Variants in ELL2 observed in about 807,000 individuals in gnomAD.
ELL2 encodes the protein RNA polymerase II elongation factor ELL2.
ELL2 carries 21 observed loss-of-function variants against 72.8 expected under a neutral mutation model. The ratio of observed to expected loss-of-function variants is 0.29; its 90% CI spans 0.20 to 0.42. The LOEUF is 0.42. Ranked by LOEUF, ELL2 falls within the 10% of genes least tolerant of loss-of-function variation. The pLI, the probability that ELL2 is intolerant of heterozygous loss-of-function variation, is 1.00. For synonymous variants in ELL2, 266 were observed against 283.2 expected (o/e 0.94, Z 0.61); for missense variants, 568 against 772.8 (o/e 0.73, Z 3.14).
At chr5:95,891,004 T>G in intron 10 of ELL2, 99 bp downstream of exon 10, 1 of 1,425,330 alleles carries the variant, frequency 7.0e-7, no homozygotes, top group Non-Finnish European at 9.9e-7. Flanking sequence ...GCAAGAGTAC[T>G]TACTCTAAAG....
intron 3 of ELL2, among the ~76,000 whole-genome samples, chr5:95,916,678 A>G (rs1749816034): frequency 6.6e-6 from 1 of 152,094 alleles, no homozygotes; most frequent in South Asian, 2.1e-4. Context: ...AAGTGAATGT[A>G]AGAGAGGTTG....
chr5:95,914,021 C>T (rs1749697831), intron 3 of ELL2, 87 bp from the exon 4 acceptor site: 12 of 1,268,992 alleles, frequency 9.5e-6, no homozygotes, highest in Non-Finnish European at 1.2e-5. Context: ...CTAAAATCAG[C>T]AGCCCAACTA....
intron 2 of ELL2, among the ~76,000 whole-genome samples, chr5:95,931,948 T>C (rs1290552171): frequency 6.7e-6 from 1 of 149,008 alleles, no homozygotes; most frequent in African/African-American, 2.5e-5. Context: ...TCTTCATAAA[T>C]ACAAACAGTA....
intron 7 of ELL2, 109 bp from the exon 8 acceptor site, chr5:95,898,919 T>G: frequency 1.3e-6 from 1 of 796,708 alleles, no homozygotes; most frequent in Non-Finnish European, 1.8e-6. Flanking sequence ...CTATTAATAT[T>G]ACCAGGGTTG....
At chr5:95,915,750 A>C (rs878905018) in intron 3 of ELL2, among the ~76,000 whole-genome samples, 1 of 152,234 alleles carries the variant, frequency 6.6e-6, no homozygotes, top group Admixed American at 6.5e-5. Context: ...GAAAGTGTTC[A>C]GGGAGGACAA....
At chr5:95,917,185 T>TC (rs1444990482) in intron 3 of ELL2, among the ~76,000 whole-genome samples, 2 of 152,238 alleles carry the variant, frequency 1.3e-5, no homozygotes, top group Non-Finnish European at 2.9e-5. Context: ...TATATATTTT[T>TC]CACTAAGTCT....
At chr5:95,896,616 C>A (rs982336319) in intron 8 of ELL2, among the ~76,000 whole-genome samples, 1 of 152,116 alleles carries the variant, frequency 6.6e-6, no homozygotes, top group African/African-American at 2.4e-5. Context: ...CATGCTTTTA[C>A]GATAGTCTGA....
intron 1 of ELL2, among the ~76,000 whole-genome samples, chr5:95,951,317 C>A (rs993876081): frequency 3.3e-5 from 5 of 151,678 alleles, no homozygotes; most frequent in African/African-American, 1.2e-4. Flanking sequence ...TGCAGTAAGC[C>A]GAGATTGTGC....
chr5:95,911,343 C>T (rs1263400985), intron 4 of ELL2, among the ~76,000 whole-genome samples: 2 of 146,388 alleles, frequency 1.4e-5, no homozygotes, highest in East Asian at 3.9e-4. Flanking sequence ...AATGATCACA[C>T]TTTTTTTTTT....
chr5:95,894,227 C>T (rs530487354), intron 9 of ELL2, among the ~76,000 whole-genome samples: 35 of 152,130 alleles, frequency 2.3e-4, no homozygotes, highest in African/African-American at 6.7e-4. Flanking sequence ...GCAACAAGAG[C>T]GAAATTCCGT....
intron 2 of ELL2, among the ~76,000 whole-genome samples, chr5:95,939,331 G>C (rs540097844): frequency 6.7e-6 from 1 of 150,372 alleles, no homozygotes; most frequent in African/African-American, 2.5e-5. Context: ...TTAAGACTGT[G>C]CGTTCTCTGA....
rs144753899 is a variant in ELL2, at chr5:95,910,768, C to T, written c.481+3003G>A. Among the ~76,000 whole-genome samples the T allele has an allele frequency of 4.8e-3, 735 of 152,260 alleles. 4 individuals are homozygous for T. The highest frequency in any genetic ancestry group is 0.017 in the African/African-American group (705 of 41,530). ...CTCATTGGTCTTCTACCCAGGCTGA[C>T]ATTGTTGAAAGAAACCTTGTCCTGC... On this transcript the variant is annotated intron_variant, in intron 4 of 11. Transcript: ENST00000237853.
intron 1 of ELL2, among the ~76,000 whole-genome samples, chr5:95,961,004 C>A (rs1245354748): frequency 6.6e-6 from 1 of 152,098 alleles, no homozygotes; most frequent in Non-Finnish European, 1.5e-5. Flanking sequence ...GTCCCCATCC[C>A]TTCGAGCACA....
chr5:95,924,649 G>A (rs1357991407), intron 2 of ELL2, among the ~76,000 whole-genome samples: 1 of 152,086 alleles, frequency 6.6e-6, no homozygotes, highest in Non-Finnish European at 1.5e-5. Flanking sequence ...TCGGCAACTG[G>A]AAAAGCAGAT....
chr5:95,960,785 G>A (rs1751807348), intron 1 of ELL2, among the ~76,000 whole-genome samples: 1 of 152,086 alleles, frequency 6.6e-6, no homozygotes, highest in South Asian at 2.1e-4. Flanking sequence ...AGGGCACTGT[G>A]TTGGTTTGTG....
chr5:95,943,159 G>T, intron 1 of ELL2, 110 bp from the exon 2 acceptor site: 2 of 800,192 alleles, frequency 2.5e-6, no homozygotes, highest in South Asian at 2.3e-5. Context: ...AGTGACTCAT[G>T]ACTCTAATCC....
At chr5:95,889,199 C>A in intron 10 of ELL2, 69 bp from the exon 11 acceptor site, 1 of 1,213,580 alleles carries the variant, frequency 8.2e-7, no homozygotes, top group Non-Finnish European at 1.2e-6. Context: ...AAATAGATAA[C>A]ATGCATTCAG....
At chr5:95,900,528 G>T in intron 7 of ELL2, 165 bp downstream of exon 7, 1 of 486,150 alleles carries the variant, frequency 2.1e-6, no homozygotes. Context: ...TGGGCTGGAA[G>T]CCAAGACCTA....
intron 2 of ELL2, among the ~76,000 whole-genome samples, chr5:95,936,269 C>T (rs1361301956): frequency 1.3e-5 from 2 of 152,120 alleles, no homozygotes; most frequent in South Asian, 4.1e-4. Context: ...AGAGGTTACC[C>T]AGAAATTGAT....
Sources: gnomAD v4.1 joint callset for allele counts (sites outside exome capture counted in the v4.1 genomes callset) on GRCh38, gnomAD v4.1.1 for gene constraint, MANE v1.5 for transcripts, NCBI Gene and HGNC (gene_info 2026-07-23, HGNC 2026-07-21) for gene names.